The following BMS1 variants were observed in gnomAD, a reference collection of about 807,000 sequenced individuals.
BMS1 encodes the protein BMS1 ribosome biogenesis factor.
BMS1 carries 53 observed loss-of-function variants against 138.7 expected under a neutral mutation model. The ratio of observed to expected loss-of-function variants is 0.38; its 90% CI spans 0.31 to 0.48. The LOEUF (loss-of-function observed/expected upper bound fraction) is 0.48, where lower values mean the gene tolerates loss of function less well. BMS1 is among the 20% of genes least tolerant of loss of function. The pLI, the probability that BMS1 is intolerant of heterozygous loss-of-function variation, is 0.97. For missense variants in BMS1, 1,360 were observed against 1,565.5 expected, an observed-to-expected ratio of 0.87 and a Z score of 2.22; for synonymous variants, 504 against 539.9, an observed-to-expected ratio of 0.93 and a Z score of 0.92.
intron 13 of BMS1, among the ~76,000 whole-genome samples, chr10:42,814,220 A>T (rs1292218694): frequency 6.6e-6 from 1 of 152,228 alleles, no homozygotes; most frequent in African/African-American, 2.4e-5. Context: ...CTCAGATAAC[A>T]TAAATGCGGG....
chr10:42,807,461 TAC>T (rs1315087285), intron 13 of BMS1, among the ~76,000 whole-genome samples: 1 of 152,146 alleles, frequency 6.6e-6, no homozygotes, highest in Non-Finnish European at 1.5e-5. Context: ...CTGGGTTGTT[TAC>T]AGTTTGTTTT....
In BMS1 at chr10:42,797,181, A is replaced by G; in HGVS notation, c.1937A>G (p.Lys646Arg). 2.5e-6 allele frequency: 4 copies of G among 1,611,168 alleles called. No individual in the cohort carries two copies. The highest frequency in any genetic ancestry group is 3.4e-6 in the Non-Finnish European group (4 of 1,179,154). The change falls in exon 10 of 23, where the codon AAA becomes AGA. Residue 646 changes from lysine to arginine, a missense_variant. Physicochemically the swap from Lys to Arg is conservative, Grantham distance 26. Transcript: ENST00000374518. ...ACCAGTGATATAGAAAATTTACTCA[A>G]AGAGGAAGAAGATTACAAGGAAGAA... is the stretch of plus-strand genomic sequence containing the variant. Reference protein sequence around the residue: ...DETSDIENLLKEEEDYKEENN... With the variant: ...DETSDIENLLREEEDYKEENN...
At chr10:42,803,503 C>T (rs556361098) in intron 13 of BMS1, among the ~76,000 whole-genome samples, 41 of 151,926 alleles carry the variant, frequency 2.7e-4, no homozygotes, top group African/African-American at 9.6e-4. Context: ...TAGTTAATAT[C>T]ACTGATCTCT....
intron 21 of BMS1, among the ~76,000 whole-genome samples, chr10:42,829,294 G>C (rs1311292339): frequency 1.3e-5 from 2 of 151,330 alleles, no homozygotes; most frequent in Non-Finnish European, 1.5e-5. Flanking sequence ...CTGGGCGACA[G>C]AGCGAGACTC....
intron 15 of BMS1, 30 bp downstream of exon 15, chr10:42,817,524 T>A (rs754967909): frequency 1.1e-4 from 177 of 1,578,026 alleles, no homozygotes; most frequent in Non-Finnish European, 1.5e-4. Flanking sequence ...CTCAGCCCCT[T>A]GTCAAGACTA....
chr10:42,827,390 G>A (rs1341056006), intron 21 of BMS1, among the ~76,000 whole-genome samples: 1 of 152,200 alleles, frequency 6.6e-6, no homozygotes, highest in Non-Finnish European at 1.5e-5. Flanking sequence ...CAGTGTAACA[G>A]TGGCCCACCG....
intron 9 of BMS1, among the ~76,000 whole-genome samples, chr10:42,794,653 G>A (rs765844730): frequency 1.4e-4 from 21 of 151,150 alleles, no homozygotes; most frequent in African/African-American, 4.4e-4. Flanking sequence ...GGGATTACTA[G>A]CTATTTTCAC....
chr10:42,785,609 C>G lies in BMS1; in HGVS notation c.304C>G (p.Leu102Val), dbSNP rs747375537. 6.2e-7 allele frequency: 1 copy of G among 1,613,874 alleles called. No homozygotes were observed. Among genetic ancestry groups the G allele is most frequent in the Non-Finnish European group, 8.5e-7 (1 of 1,179,846 alleles). The change falls in exon 3 of 23, where the codon CTC becomes GTC. Residue 102 changes from leucine (L) to valine (V), a missense_variant. Transcript: ENST00000374518. The part of the protein sequence containing the change: ...KVGKSTLIQC[L>V]IRNFTRQKLT... ...TGGAAAGAGCACTTTGATACAATGC[C>G]TCATTCGGAACTTTACCCGGCAGAA...
At chr10:42,791,932 G>A (rs972609170) in intron 6 of BMS1, among the ~76,000 whole-genome samples, 163 bp downstream of exon 6, 42 of 152,272 alleles carry the variant, frequency 2.8e-4, no homozygotes, top group African/African-American at 9.1e-4. Flanking sequence ...CAAAGATGCC[G>A]TGCCTTTGGG....
chr10:42,816,858 A>G (rs558791309), intron 14 of BMS1, among the ~76,000 whole-genome samples, 186 bp downstream of exon 14: 2 of 152,310 alleles, frequency 1.3e-5, no homozygotes, highest in African/African-American at 2.4e-5. Flanking sequence ...TTTGGATGAC[A>G]GTTACTACCG....
chr10:42,790,576 G>C (rs916902143), intron 5 of BMS1, 65 bp downstream of exon 5: 1 of 1,530,394 alleles, frequency 6.5e-7, no homozygotes, highest in African/African-American at 1.4e-5. Context: ...TGAAGAGGCC[G>C]GGTGCAGTGG....
chr10:42,825,057 G>A (rs1842600122), intron 21 of BMS1, among the ~76,000 whole-genome samples: 1 of 152,016 alleles, frequency 6.6e-6, no homozygotes, highest in Non-Finnish European at 1.5e-5. Flanking sequence ...CGCCCAAGCT[G>A]TAGTGCAGTG....
At chr10:42,799,195 G>A (rs1001516392) in intron 12 of BMS1, among the ~76,000 whole-genome samples, 10 of 152,082 alleles carry the variant, frequency 6.6e-5, no homozygotes, top group African/African-American at 2.4e-4. Context: ...ATGCAGCCAC[G>A]ACCTCCTGGG....
At chr10:42,802,063 C>A in intron 12 of BMS1, 74 bp from the exon 13 acceptor site, 2 of 1,162,294 alleles carry the variant, frequency 1.7e-6, no homozygotes, top group Non-Finnish European at 2.5e-6. Context: ...AAGTTGTCAC[C>A]TACTGCCATT....
intron 21 of BMS1, among the ~76,000 whole-genome samples, chr10:42,829,007 A>T (rs1486407246): frequency 6.6e-6 from 1 of 152,194 alleles, no homozygotes; most frequent in Non-Finnish European, 1.5e-5. Flanking sequence ...ATTATTGGGG[A>T]TGATGTCTTT....
chr10:42,807,344 G>T (rs1842042221), intron 13 of BMS1, among the ~76,000 whole-genome samples: 1 of 152,168 alleles, frequency 6.6e-6, no homozygotes, highest in African/African-American at 2.4e-5. Context: ...ATTTCCTGGA[G>T]ATCCATTCAA....
chr10:42,798,585 G>A lies in BMS1; in HGVS notation c.2207G>A (p.Arg736Lys), dbSNP rs372564970. The change falls in exon 12 of 23, where the codon AGA becomes AAA. Residue 736 changes from arginine to lysine, a missense_variant. Arg to Lys is a conservative substitution (Grantham distance 26). Coordinates refer to ENST00000374518, the MANE Select transcript of BMS1 (RefSeq NM_014753.4). ...KHKADSLDCS[R>K]FLVEAPHDWD... ...AAGGCTGACTCTTTGGACTGCTCCAGATTTCTTGTGGAGGCCCCCCATGAC... is the reference window on the plus strand; with the variant it reads ...AAGGCTGACTCTTTGGACTGCTCCAAATTTCTTGTGGAGGCCCCCCATGAC... 1 of 1,614,268 alleles carries A rather than the reference G, an allele frequency of 6.2e-7. No individual in the cohort carries two copies. The highest frequency in any genetic ancestry group is 2.2e-5 in the East Asian group (1 of 44,892).
rs1842803147 is a variant in BMS1 at position 42,831,740 on chromosome 10, A to G, written c.*644A>G. ...AGTAAGTACTTTTTTAAAGCTTTAGACTTAGGAGATTATTGTCTCAGGTGC... is the reference window on the plus strand; with the variant it reads ...AGTAAGTACTTTTTTAAAGCTTTAGGCTTAGGAGATTATTGTCTCAGGTGC... On this transcript the variant is annotated 3_prime_UTR_variant, in exon 23 of 23. Transcript: ENST00000374518. 1 of 152,408 alleles carries G rather than the reference A, an allele frequency of 6.6e-6. No homozygotes were observed. Among genetic ancestry groups the G allele is most frequent in the Non-Finnish European group, 1.5e-5 (1 of 68,254 alleles). 9.4% of individuals were successfully genotyped at this position (152,408 alleles called of 1,614,324 possible). A position where few individuals can be genotyped will look rare whatever the true frequency, so the allele number is the denominator to read the frequency against.
intron 1 of BMS1, among the ~76,000 whole-genome samples, chr10:42,783,765 T>A (rs1035320669): frequency 2.6e-5 from 4 of 152,216 alleles, no homozygotes; most frequent in Non-Finnish European, 5.9e-5. Flanking sequence ...ATTTTTCAAA[T>A]GTATGTAGAT....
Sources: gnomAD v4.1 joint callset for allele counts (sites outside exome capture counted in the v4.1 genomes callset) on GRCh38, gnomAD v4.1.1 for gene constraint, MANE v1.5 for transcripts, NCBI Gene and HGNC (gene_info 2026-07-23, HGNC 2026-07-21) for gene names.